Variants in CLSTN3 observed in about 807,000 individuals in gnomAD.
CLSTN3 encodes calsyntenin-3.
A neutral mutation model predicts 95.9 loss-of-function variants in CLSTN3; 36 were observed. The observed-to-expected ratio is 0.38, with a 90% CI of 0.29 to 0.50. CLSTN3 has a LOEUF of 0.50. Ranked by LOEUF, CLSTN3 falls within the 20% of genes least tolerant of loss-of-function variation. The pLI, the probability that CLSTN3 is intolerant of heterozygous loss-of-function variation, is 0.95. For missense variants in CLSTN3, 1,084 were observed against 1,268.8 expected, an observed-to-expected ratio of 0.85 and a Z score of 2.21; for synonymous variants, 481 against 504.0, an observed-to-expected ratio of 0.95 and a Z score of 0.61.
intron 8 of CLSTN3, chr12:7,138,829 C>CAAA (rs5796259): frequency 9.3e-5 from 4 of 43,190 alleles, no homozygotes; most frequent in African/African-American, 2.1e-4. Flanking sequence ...AAGCAAACGG[C>CAAA]AAAAAAAAAA....
In CLSTN3 at chr12:7,151,062, C is replaced by T. The variant is rs369531817; in HGVS notation, c.2526C>T (p.Ser842=). ...GCCTAGCCAGCTCCCACAGAAACTC[C>T]AGTACGTAAGCCTGGTGGGGCTGGG... The part of the protein sequence containing the change: ...GHSLASSHRN[S]MIPSAATLII... Residue 842 remains serine, a splice_region_variant and synonymous_variant, in exon 16 of 18, where the codon TCC becomes TCT. Coordinates refer to ENST00000266546, the MANE Select transcript of CLSTN3 (RefSeq NM_014718.4). The T allele has an allele frequency of 6.9e-6, 11 of 1,592,920 alleles. No homozygotes were observed. The African/African-American group carries it at 1.5e-4, about 21-fold the overall frequency.
At position 7,135,923 on chromosome 12, in the gene CLSTN3, G is replaced by T. The variant is rs771420308; in HGVS notation, c.712G>T (p.Val238Leu). 5.0e-6 allele frequency: 8 copies of T among 1,613,224 alleles called. No homozygotes were observed. Among genetic ancestry groups the T allele is most frequent in the South Asian group, 1.1e-5 (1 of 90,996 alleles). ...AGATGATGCTGAGGTGGAGATTCAGGTGAAGCCCACCTGTAAACCCAGCTG... is the reference window on the plus strand; with the variant it reads ...AGATGATGCTGAGGTGGAGATTCAGTTGAAGCCCACCTGTAAACCCAGCTG... ...AADDAEVEIQ[V>L]KPTCKPSWQG... The change falls in exon 5 of 18, where the codon GTG becomes TTG. Residue 238 changes from valine to leucine, a missense_variant. Physicochemically the swap from Val to Leu is conservative, Grantham distance 32 (BLOSUM62 1). Transcript: ENST00000266546.
chr12:7,130,546 G>A lies in CLSTN3; in HGVS notation c.-103G>A. ...TTCCGTCCCTGCCCTGCTGTACCCC[G>A]CTCCTTGGAGACCCCCTGTATCCCT... On this transcript the variant is annotated 5_prime_UTR_variant, in exon 1 of 18. Transcript: ENST00000266546. 4.5e-6 allele frequency: 7 copies of A among 1,545,866 alleles called. No homozygotes were observed. Among genetic ancestry groups the A allele is most frequent in the Non-Finnish European group, 6.1e-6 (7 of 1,146,678 alleles).
At chr12:7,143,655 G>A (rs1001053488) in intron 12 of CLSTN3, among the ~76,000 whole-genome samples, 3 of 152,170 alleles carry the variant, frequency 2.0e-5, no homozygotes, top group African/African-American at 4.8e-5. Context: ...GACTCAATGC[G>A]AATTGCTTGG....
At chr12:7,138,185 T>C in intron 8 of CLSTN3, 118 bp downstream of exon 8, 1 of 660,652 alleles carries the variant, frequency 1.5e-6, no homozygotes. Context: ...TCTTTGCTTC[T>C]TCACTTTCAG....
intron 16 of CLSTN3, among the ~76,000 whole-genome samples, chr12:7,152,881 T>C (rs919668828): frequency 2.0e-5 from 3 of 152,222 alleles, no homozygotes; most frequent in Non-Finnish European, 2.9e-5. Context: ...GATTCCAGTC[T>C]GTGCACTAAC....
chr12:7,155,017 C>T (rs1040404536), intron 16 of CLSTN3, among the ~76,000 whole-genome samples: 5 of 152,084 alleles, frequency 3.3e-5, no homozygotes, highest in African/African-American at 9.7e-5. Context: ...TCATGAAAAG[C>T]CCTGGGAGTG....
At chr12:7,154,116 G>A (rs916692769) in intron 16 of CLSTN3, among the ~76,000 whole-genome samples, 8 of 152,194 alleles carry the variant, frequency 5.3e-5, no homozygotes, top group Admixed American at 5.2e-4. Flanking sequence ...GGGCACTGGT[G>A]ATTGGCATGC....
At chr12:7,140,030 C>G (rs1396459791) in intron 8 of CLSTN3, among the ~76,000 whole-genome samples, 1 of 152,112 alleles carries the variant, frequency 6.6e-6, no homozygotes, top group Non-Finnish European at 1.5e-5. Flanking sequence ...AGGACTGTTG[C>G]AACAGTCTTC....
Position 7,133,429 on chromosome 12 carries a change from C to A in CLSTN3, c.188-144C>A, listed in dbSNP as rs368578937. The A allele has an allele frequency of 2.4e-6, 2 of 838,680 alleles. No individual in the cohort carries two copies. Among genetic ancestry groups the A allele is most frequent in the Non-Finnish European group, 3.7e-6 (2 of 539,716 alleles). 52.0% of individuals were successfully genotyped at this position (838,680 alleles called of 1,614,324 possible). A position where few individuals can be genotyped will look rare whatever the true frequency, so the allele number is the denominator to read the frequency against. On this transcript the variant is annotated intron_variant, in intron 2 of 17. Transcript: ENST00000266546. This position sits in a 1 kb window ranked among gnomAD's most constrained non-coding sequence, Gnocchi z 4.7. ...CTCAGGGAAGCTGGGCTTAGAGTTG[C>A]GTGTTTGATCATTAATGCTTTTGTG...
Position 7,157,345 on chromosome 12 carries a change from A to G in CLSTN3, c.2528-144A>G. On this transcript the variant is annotated intron_variant, in intron 16 of 17. Coordinates refer to ENST00000266546, the MANE Select transcript of CLSTN3 (RefSeq NM_014718.4). This position sits in a 1 kb window ranked among gnomAD's most constrained non-coding sequence, Gnocchi z 5.9. ...GGGCTGTTTCTCTTCTGGCTTCTCC[A>G]GGTGTTCCTCTCTTCTCGGCCACCG... 1 of 646,204 alleles carries G rather than the reference A, an allele frequency of 1.5e-6. No individual in the cohort carries two copies. The highest frequency in any genetic ancestry group is 2.6e-5 in the South Asian group (1 of 37,974). 40.0% of individuals were successfully genotyped at this position (646,204 alleles called of 1,614,324 possible).
intron 3 of CLSTN3, among the ~76,000 whole-genome samples, chr12:7,134,581 G>A (rs1193923258): frequency 2.0e-5 from 3 of 152,266 alleles, no homozygotes; most frequent in Non-Finnish European, 4.4e-5. Context: ...TGCATGACTA[G>A]GGAGGGGCCG....
At chr12:7,151,557 A>C (rs935657339) in intron 16 of CLSTN3, among the ~76,000 whole-genome samples, 1 of 152,214 alleles carries the variant, frequency 6.6e-6, no homozygotes, top group Admixed American at 6.5e-5. Flanking sequence ...ATGCAGTCAC[A>C]AGAATATTTC....
chr12:7,139,234 A>G (rs1386374876), intron 8 of CLSTN3, among the ~76,000 whole-genome samples: 1 of 152,218 alleles, frequency 6.6e-6, no homozygotes, highest in Non-Finnish European at 1.5e-5. Flanking sequence ...GAAGCAGGCA[A>G]GGGACTGGGG....
Position 7,137,273 on chromosome 12 carries a change from C to T in CLSTN3, c.1210+163C>T. 5 of 677,596 alleles carry T rather than the reference C, an allele frequency of 7.4e-6. No homozygotes were observed. Among genetic ancestry groups the T allele is most frequent in the Non-Finnish European group, 1.2e-5 (5 of 406,856 alleles). 42.0% of individuals were successfully genotyped at this position (677,596 alleles called of 1,614,324 possible). ...CCTTGATTCTGTGCTTTATCCCCAA[C>T]ATGACATGTTGGATCGTACTGCTGT... On this transcript the variant is annotated intron_variant, in intron 7 of 17. Transcript: ENST00000266546. The surrounding 1 kb of genome is among the most constrained non-coding windows in gnomAD (Gnocchi z 4.4).
In CLSTN3 at chr12:7,149,035, G is replaced by T; in HGVS notation, c.1911G>T (p.Gln637His). Reference sequence around the variant, plus strand: ...TGGAGGGCTACGTGGTCGTCCTTCAGCCTGACGCCCCCCAGATCCTGCTGA... The same window carrying T: ...TGGAGGGCTACGTGGTCGTCCTTCATCCTGACGCCCCCCAGATCCTGCTGA... ...PEVEGYVVVL[Q>H]PDAPQILLSG... The change falls in exon 13 of 18, where the codon CAG becomes CAT. Residue 637 changes from glutamine to histidine, a missense_variant. By Grantham distance (24) the Gln-to-His change is conservative. Transcript: ENST00000266546. This position sits in a 1 kb window ranked among gnomAD's most constrained non-coding sequence, Gnocchi z 4.5. The T allele has an allele frequency of 1.2e-6, 2 of 1,614,160 alleles. No individual in the cohort carries two copies. The highest frequency in any genetic ancestry group is 1.7e-6 in the Non-Finnish European group (2 of 1,180,024).
At position 7,130,447 on chromosome 12, in the gene CLSTN3, G is replaced by A; in HGVS notation, c.-202G>A. ...TGGGGGAAACGGGAAGCCGCTGCAAGTCCACCGCCTCAGCTACCCAGATTG... is the reference window on the plus strand; with the variant it reads ...TGGGGGAAACGGGAAGCCGCTGCAAATCCACCGCCTCAGCTACCCAGATTG... On this transcript the variant is annotated 5_prime_UTR_variant, in exon 1 of 18. Transcript: ENST00000266546. 3 of 1,463,328 alleles carry A rather than the reference G, an allele frequency of 2.1e-6. No individual in the cohort carries two copies. The highest frequency in any genetic ancestry group is 2.7e-6 in the Non-Finnish European group (3 of 1,109,130). 90.6% of individuals were successfully genotyped at this position (1,463,328 alleles called of 1,614,324 possible).
rs755262629 is a variant in CLSTN3, at chr12:7,130,642, C to T, written c.-7C>T. The T allele has an allele frequency of 4.5e-6, 7 of 1,564,960 alleles. No individual in the cohort carries two copies. The highest frequency in any genetic ancestry group is 6.1e-6 in the Non-Finnish European group (7 of 1,154,250). Reference sequence around the variant, plus strand: ...ACGCCTGGCCCTGCCCTGCCCCACGCCGCACCATGACCCTCCTGCTGCTGC... The same window carrying T: ...ACGCCTGGCCCTGCCCTGCCCCACGTCGCACCATGACCCTCCTGCTGCTGC... On this transcript the variant is annotated 5_prime_UTR_variant, in exon 1 of 18. Transcript: ENST00000266546.
At chr12:7,130,314 C>CG (rs1555167710), upstream of CLSTN3, 14 of 898,698 alleles carry the variant, frequency 1.6e-5, no homozygotes, top group East Asian at 5.0e-5. Flanking sequence ...CCCCCCCCCT[C>CG]CCAGTCACCT....
Sources: allele counts gnomAD v4.1 joint callset (sites outside exome capture counted in the v4.1 genomes callset), GRCh38; gene constraint gnomAD v4.1.1; non-coding constraint Gnocchi (gnomAD v3.1); transcripts MANE v1.5; gene names NCBI Gene and HGNC (gene_info 2026-07-23, HGNC 2026-07-21).